Variants in RAD50 observed in about 807,000 individuals in gnomAD.
RAD50 encodes the protein DNA repair protein RAD50.
RAD50 carries 132 observed loss-of-function variants against 168.8 expected under a neutral mutation model. The observed-to-expected ratio is 0.78, with a 90% CI of 0.68 to 0.90. The LOEUF (loss-of-function observed/expected upper bound fraction) is 0.90. Among genes scored for constraint, RAD50 ranks in the 40% least tolerant of loss-of-function variants. RAD50 has a pLI of 0.00. For synonymous variants in RAD50, 525 were observed against 497.4 expected, an observed-to-expected ratio of 1.06 and a Z score of -0.74; for missense variants, 1,347 against 1,534.4, an observed-to-expected ratio of 0.88 and a Z score of 2.04.
intron 2 of RAD50, among the ~76,000 whole-genome samples, 153 bp downstream of exon 2, chr5:132,559,520 G>T (rs1750083660): frequency 6.6e-6 from 1 of 152,146 alleles, no homozygotes; most frequent in African/African-American, 2.4e-5. Context: ...ACATTTTCAT[G>T]TGTTTTCCTC....
chr5:132,595,767 A>AC lies in RAD50; in HGVS notation c.2164_2165insC (p.Lys722ThrfsTer6). On this transcript the variant is annotated frameshift_variant, in exon 13 of 25. Coordinates refer to ENST00000378823, the MANE Select transcript of RAD50 (RefSeq NM_005732.4). LOFTEE classifies it high-confidence loss of function. Reference sequence around the variant, plus strand: ...GTCAACAGAATCAGAGCTAAAAAAAAAGGAAAAGCGGCGTGATGAAATGCT... The same window carrying AC: ...GTCAACAGAATCAGAGCTAAAAAAAACAGGAAAAGCGGCGTGATGAAATGCT... 1 of 1,613,756 alleles carries AC rather than the reference A, an allele frequency of 6.2e-7. No homozygotes were observed. Among genetic ancestry groups the AC allele is most frequent in the East Asian group, 2.2e-5 (1 of 44,884 alleles).
rs1314725075 is a variant in RAD50, at chr5:132,640,700, C to T, written c.3647C>T (p.Ala1216Val). ...KVLASLIIRLALAETFCLNCG... is the reference protein window; with the variant it reads ...KVLASLIIRLVLAETFCLNCG... ...TTAGCCTCACTCATCATTCGCCTGG[C>T]CCTGGCTGAAACGTTCTGCCTCAAC... The change falls in exon 24 of 25, where the codon GCC (alanine) becomes GTC (valine). Residue 1216 changes from alanine (A) to valine (V), a missense_variant. Physicochemically the swap from Ala to Val is moderately conservative, Grantham distance 64. Transcript: ENST00000378823. The T allele has an allele frequency of 1.9e-6, 3 of 1,614,218 alleles. No homozygotes were observed. In the East Asian group the frequency reaches 6.7e-5, roughly 36 times the overall value.
intron 2 of RAD50, among the ~76,000 whole-genome samples, chr5:132,559,804 T>TG (rs1750091818): frequency 6.6e-6 from 1 of 152,104 alleles, no homozygotes; most frequent in Non-Finnish European, 1.5e-5. Flanking sequence ...AAGCCAGGCT[T>TG]GGGGGTGTGT....
At chr5:132,641,935 G>C in intron 24 of RAD50, 1 of 524,252 alleles carries the variant, frequency 1.9e-6, no homozygotes, top group South Asian at 2.6e-5. Flanking sequence ...TTGTATTCCT[G>C]TGAGTCCCTA....
intron 13 of RAD50, among the ~76,000 whole-genome samples, chr5:132,601,885 C>T (rs1224290978): frequency 1.3e-5 from 2 of 152,060 alleles, no homozygotes; most frequent in African/African-American, 4.8e-5. Context: ...GAGCAGAAAA[C>T]CAAACATTGC....
chr5:132,605,038 A>G, intron 16 of RAD50, 39 bp downstream of exon 16: 1 of 1,396,146 alleles, frequency 7.2e-7, no homozygotes, highest in South Asian at 1.5e-5. Context: ...AAATTATTTT[A>G]ATTATTTATT....
chr5:132,574,390 G>T (rs1323473479), intron 2 of RAD50, among the ~76,000 whole-genome samples: 1 of 152,160 alleles, frequency 6.6e-6, no homozygotes, highest in Non-Finnish European at 1.5e-5. Flanking sequence ...TTGTGGCTGG[G>T]ACACAGGGCA....
At position 132,557,045 on chromosome 5, in the gene RAD50, G is replaced by T; in HGVS notation, c.-280G>T. ...GGTTGCGGGGTCGCATTGTGGCTAC[G>T]GCTTTGCGTCCCCGGCGGGCAGCCC... On this transcript the variant is annotated 5_prime_UTR_variant, in exon 1 of 25. Coordinates refer to ENST00000378823, the MANE Select transcript of RAD50 (RefSeq NM_005732.4). 1.5e-6 allele frequency: 1 copy of T among 650,686 alleles called. No homozygotes were observed. The highest frequency in any genetic ancestry group is 2.5e-6 in the Non-Finnish European group (1 of 406,870). 40.3% of individuals were successfully genotyped at this position (650,686 alleles called of 1,614,324 possible). A position where few individuals can be genotyped will look rare whatever the true frequency, so the allele number is the denominator to read the frequency against.
chr5:132,642,213 A>G lies in RAD50; in HGVS notation c.3788A>G (p.Gln1263Arg). Residue 1263 changes from glutamine to arginine, a missense_variant, in exon 25 of 25, where the codon CAG (glutamine) becomes CGG (arginine). Physicochemically the swap from Gln to Arg is conservative, Grantham distance 43. This residue lies in a region of RAD50 where 635 missense variants were observed against 739.2 expected (regional missense o/e 0.86). Coordinates refer to ENST00000378823, the MANE Select transcript of RAD50 (RefSeq NM_005732.4). Reference protein sequence around the residue: ...IKSRSQQRNFQLLVITHDEDF... With the variant: ...IKSRSQQRNFRLLVITHDEDF... ...AGTCGCTCACAGCAGCGTAACTTCC[A>G]GCTTCTGGTAATCACTCATGATGAA... The G allele has an allele frequency of 6.2e-7, 1 of 1,614,224 alleles. No homozygotes were observed. The highest frequency in any genetic ancestry group is 8.5e-7 in the Non-Finnish European group (1 of 1,180,032).
intron 11 of RAD50, among the ~76,000 whole-genome samples, chr5:132,593,733 T>A (rs1179450482): frequency 6.6e-6 from 1 of 152,190 alleles, no homozygotes; most frequent in African/African-American, 2.4e-5. Context: ...GATTGGAAGT[T>A]GTTGCTATGT....
At position 132,641,941 on chromosome 5, in the gene RAD50, C is replaced by A. The variant is rs139338935; in HGVS notation, c.3753-237C>A. On this transcript the variant is annotated intron_variant, in intron 24 of 24. Transcript: ENST00000378823. The stretch of plus-strand genomic sequence containing the variant: ...AACTAGTTCTTGTATTCCTGTGAGT[C>A]CCTAAGCCAGACCTAAGTGAGGAGT... 10 of 547,250 alleles carry A rather than the reference C, an allele frequency of 1.8e-5. No individual in the cohort carries two copies. The East Asian group carries it at 2.7e-4, about 15-fold the overall frequency. 33.9% of individuals were successfully genotyped at this position (547,250 alleles called of 1,614,324 possible).
chr5:132,563,058 TAAAG>T (rs1202006295), intron 2 of RAD50, among the ~76,000 whole-genome samples: 1 of 152,192 alleles, frequency 6.6e-6, no homozygotes, highest in Non-Finnish European at 1.5e-5. Flanking sequence ...AGAGAAAAGA[TAAAG>T]AAGTGAAACA....
At chr5:132,629,208 C>T (rs147619080) in intron 21 of RAD50, among the ~76,000 whole-genome samples, 134 of 152,302 alleles carry the variant, frequency 8.8e-4, no homozygotes, top group African/African-American at 3.1e-3. Context: ...AAGAATTCAA[C>T]AACCCTTGCT....
chr5:132,618,165 A>G lies in RAD50; in HGVS notation c.3260A>G (p.His1087Arg), dbSNP rs758983771. ...AAAGGTTATGAAGAAGAAATTATTC[A>G]TTTTAAGAAAGAACTTCGAGAACCA... ...RQKGYEEEII[H>R]FKKELREPQF... The change falls in exon 21 of 25, where the codon CAT becomes CGT. Residue 1087 changes from histidine to arginine, a missense_variant. This residue lies in a region of RAD50 where 635 missense variants were observed against 739.2 expected (regional missense o/e 0.86). Coordinates refer to ENST00000378823, the MANE Select transcript of RAD50 (RefSeq NM_005732.4). 3.7e-6 allele frequency: 6 copies of G among 1,613,960 alleles called. No homozygotes were observed. The highest frequency in any genetic ancestry group is 4.2e-6 in the Non-Finnish European group (5 of 1,179,920).
intron 21 of RAD50, among the ~76,000 whole-genome samples, chr5:132,619,903 GAT>G (rs1171708205): frequency 0.031 from 4,127 of 134,902 alleles, 80 homozygotes; most frequent in Non-Finnish European, 0.037. Flanking sequence ...GAGAGAGAGA[GAT>G]ATATCTTTTT....
At chr5:132,584,523 A>C (rs1750560648) in intron 5 of RAD50, among the ~76,000 whole-genome samples, 1 of 152,100 alleles carries the variant, frequency 6.6e-6, no homozygotes. Flanking sequence ...ATTAGAACCC[A>C]TTTGTCAGTG....
chr5:132,594,736 G>GA (rs889998584), intron 11 of RAD50, 133 bp from the exon 12 acceptor site: 129 of 924,512 alleles, frequency 1.4e-4, no homozygotes, highest in Non-Finnish European at 1.9e-4. Flanking sequence ...CTCAACTTCT[G>GA]AAAAAAATTA....
chr5:132,561,796 C>A (rs1398910080), intron 2 of RAD50, among the ~76,000 whole-genome samples: 7 of 152,108 alleles, frequency 4.6e-5, no homozygotes. Flanking sequence ...AGTACCCCAC[C>A]CCCGCCAGTT....
chr5:132,582,560 C>T (rs1345479149), intron 5 of RAD50, among the ~76,000 whole-genome samples: 3 of 152,180 alleles, frequency 2.0e-5, no homozygotes, highest in Non-Finnish European at 2.9e-5. Context: ...TCTTCGGGAA[C>T]TCTCACTCTC....
Sources: allele counts gnomAD v4.1 joint callset (sites outside exome capture counted in the v4.1 genomes callset), GRCh38; gene constraint gnomAD v4.1.1; regional missense constraint gnomAD v4.1.1; transcripts MANE v1.5; gene names NCBI Gene and HGNC (gene_info 2026-07-23, HGNC 2026-07-21).